Variants in CDH11 observed in about 807,000 individuals in gnomAD.
The protein encoded by CDH11 is cadherin-11.
Under a neutral mutation model 67.8 loss-of-function variants are expected in CDH11, and 11 were observed. The observed-to-expected ratio is 0.16, with a 90% CI of 0.10 to 0.27. The LOEUF (loss-of-function observed/expected upper bound fraction) is 0.27, where lower values mean the gene tolerates loss of function less well. CDH11 is among the 10% of genes least tolerant of loss of function. The pLI is 1.00. For missense variants in CDH11, 847 were observed against 1,031.2 expected (o/e 0.82, Z 2.45); for synonymous variants, 419 against 400.0 (o/e 1.05, Z -0.57).
At chr16:64,982,019 C>G in intron 8 of CDH11, 29 bp downstream of exon 8, 2 of 1,563,364 alleles carry the variant, frequency 1.3e-6, no homozygotes, top group Non-Finnish European at 1.7e-6. Flanking sequence ...AATTCCCCAT[C>G]CAAGCTCTTA....
intron 1 of CDH11, among the ~76,000 whole-genome samples, chr16:65,067,197 A>G (rs1193092701): frequency 1.4e-5 from 1 of 71,870 alleles, no homozygotes; most frequent in South Asian, 3.8e-4. Flanking sequence ...AGTCAACAGG[A>G]AAAAAAAAAA....
intron 11 of CDH11, among the ~76,000 whole-genome samples, chr16:64,966,477 A>G (rs2071831165): frequency 6.6e-6 from 1 of 151,992 alleles, no homozygotes; most frequent in African/African-American, 2.4e-5. Context: ...CAACATATAT[A>G]TGTATAAAAT....
intron 1 of CDH11, among the ~76,000 whole-genome samples, chr16:65,105,207 T>C (rs1442411223): frequency 6.6e-6 from 1 of 152,178 alleles, no homozygotes; most frequent in Non-Finnish European, 1.5e-5. Flanking sequence ...TTGTTGCTGT[T>C]TGTTTATTTG....
chr16:65,034,015 G>A (rs899612837), intron 2 of CDH11, among the ~76,000 whole-genome samples: 14 of 152,096 alleles, frequency 9.2e-5, no homozygotes, highest in African/African-American at 1.9e-4. Flanking sequence ...ACAGTATTAC[G>A]GGTTAAATTG....
At chr16:64,993,183 A>C in intron 4 of CDH11, 149 bp from the exon 5 acceptor site, 2 of 475,334 alleles carry the variant, frequency 4.2e-6, no homozygotes, top group Non-Finnish European at 3.7e-6. Context: ...GATGCAAAAT[A>C]ACCAGCCAAC....
intron 2 of CDH11, among the ~76,000 whole-genome samples, chr16:65,026,956 C>T (rs1158204636): frequency 6.6e-6 from 1 of 152,202 alleles, no homozygotes; most frequent in African/African-American, 2.4e-5. Context: ...CCCAGCTCAA[C>T]AGGAGATAGC....
intron 2 of CDH11, among the ~76,000 whole-genome samples, chr16:65,045,083 C>G (rs555116790): frequency 6.6e-6 from 1 of 151,756 alleles, no homozygotes; most frequent in African/African-American, 2.4e-5. Flanking sequence ...CACACAAAGG[C>G]TTTTGCTTTC....
intron 11 of CDH11, among the ~76,000 whole-genome samples, chr16:64,953,054 A>G (rs950924030): frequency 6.6e-6 from 1 of 152,112 alleles, no homozygotes; most frequent in African/African-American, 2.4e-5. Context: ...TACTTATAAT[A>G]CCCAATACCA....
chr16:64,971,791 T>G (rs1202565322), intron 10 of CDH11, 95 bp from the exon 11 acceptor site: 2 of 1,380,538 alleles, frequency 1.4e-6, no homozygotes, highest in Admixed American at 3.6e-5. Flanking sequence ...TGATTTTAAT[T>G]AGAGAACATA....
At chr16:65,031,235 C>T (rs1183104822) in intron 2 of CDH11, among the ~76,000 whole-genome samples, 2 of 152,246 alleles carry the variant, frequency 1.3e-5, no homozygotes, top group Admixed American at 1.3e-4. Flanking sequence ...ATTCACCAAA[C>T]ATACCTAGAA....
In CDH11 at chr16:64,988,910, G is replaced by A. The variant is rs535578447; in HGVS notation, c.812-566C>T. Among the ~76,000 whole-genome samples the A allele has an allele frequency of 5.9e-5, 9 of 152,072 alleles. No homozygotes were observed. In the South Asian group the frequency reaches 8.3e-4, roughly 14 times the overall value. On this transcript the variant is annotated intron_variant, in intron 6 of 12. Coordinates refer to ENST00000268603, the MANE Select transcript of CDH11 (RefSeq NM_001797.4). ...TGCCTGCTTCACAAGTTGGTCATGC[G>A]TTACCTTCTCCAGAAGGCTTTCCTG...
intron 1 of CDH11, among the ~76,000 whole-genome samples, chr16:65,072,980 C>T (rs1363879129): frequency 6.6e-6 from 1 of 152,184 alleles, no homozygotes; most frequent in Non-Finnish European, 1.5e-5. Flanking sequence ...AGGCTACCTA[C>T]CTTGATCATT....
intron 1 of CDH11, chr16:65,094,461 T>C (rs532877785): frequency 6.6e-6 from 1 of 151,812 alleles, no homozygotes; most frequent in Admixed American, 6.6e-5. Flanking sequence ...ACACACACAG[T>C]AGATATGTAT....
rs1567537777 is a variant in CDH11 at position 65,030,509 on chromosome 16, C to T, written c.-173+23295G>A. Among the ~76,000 whole-genome samples the T allele has an allele frequency of 3.3e-5, 5 of 152,130 alleles. No individual in the cohort carries two copies. In the East Asian group the frequency reaches 9.6e-4, roughly 29 times the overall value. On this transcript the variant is annotated intron_variant, in intron 2 of 12. Coordinates refer to ENST00000268603, the MANE Select transcript of CDH11 (RefSeq NM_001797.4). ...TGAACTCAGAGTGCCCATGCGTAGT[C>T]CTCACAAAAGCAACGTTGTTGGGCA... is the stretch of plus-strand genomic sequence containing the variant.
intron 11 of CDH11, among the ~76,000 whole-genome samples, chr16:64,966,699 A>G (rs2071838148): frequency 1.5e-5 from 1 of 67,896 alleles, no homozygotes; most frequent in South Asian, 1.1e-3. Flanking sequence ...TAATGTTGAT[A>G]TCAATTTTGG....
chr16:64,955,202 C>T (rs549239456), intron 11 of CDH11, among the ~76,000 whole-genome samples: 55 of 152,082 alleles, frequency 3.6e-4, no homozygotes, highest in African/African-American at 1.2e-3. Flanking sequence ...GCCGAGATCA[C>T]GCTACTGTAC....
chr16:65,050,827 C>T (rs552934365), intron 2 of CDH11, among the ~76,000 whole-genome samples: 50 of 151,752 alleles, frequency 3.3e-4, no homozygotes, highest in African/African-American at 1.1e-3. Context: ...ATTTCCTAGA[C>T]ATGAAATTAA....
At chr16:65,112,577 C>T (rs1392144869) in intron 1 of CDH11, among the ~76,000 whole-genome samples, 2 of 152,098 alleles carry the variant, frequency 1.3e-5, no homozygotes, top group Non-Finnish European at 2.9e-5. Context: ...TTCTGTTTGC[C>T]CAACCCAGGA....
At chr16:64,976,864 AACC>A (rs1346566910) in intron 8 of CDH11, among the ~76,000 whole-genome samples, 1 of 149,900 alleles carries the variant, frequency 6.7e-6, no homozygotes, top group South Asian at 2.1e-4. Flanking sequence ...CCAACCAACC[AACC>A]AACCAACCAA....
Sources: allele counts gnomAD v4.1 joint callset (sites outside exome capture counted in the v4.1 genomes callset), GRCh38; gene constraint gnomAD v4.1.1; transcripts MANE v1.5; gene names NCBI Gene and HGNC (gene_info 2026-07-23, HGNC 2026-07-21).